Variants in TGM6 observed in about 807,000 individuals in gnomAD.
TGM6 encodes the protein protein-glutamine gamma-glutamyltransferase 6.
In TGM6, 74 loss-of-function variants were observed where a neutral mutation model predicts 77.5. The observed-to-expected ratio is 0.96, with a 90% CI of 0.79 to 1.16. TGM6 has a LOEUF of 1.16. Ranked by LOEUF, TGM6 falls within the 50% of genes most tolerant of loss-of-function variation. The pLI, the probability that TGM6 is intolerant of heterozygous loss-of-function variation, is 0.00. For missense variants in TGM6, 968 were observed against 940.2 expected (o/e 1.03, Z -0.39); for synonymous variants, 383 against 378.9 (o/e 1.01, Z -0.12).
chr20:2,403,966 C>T, intron 9 of TGM6, 143 bp downstream of exon 9: 2 of 1,385,574 alleles, frequency 1.4e-6, no homozygotes, highest in Non-Finnish European at 2.0e-6. Flanking sequence ...TCTCTGTGCT[C>T]TGAGCCAAGT....
chr20:2,402,959 C>T lies in TGM6; in HGVS notation c.990-438C>T, dbSNP rs542147285. On this transcript the variant is annotated intron_variant, in intron 7 of 12. Coordinates refer to ENST00000202625, the MANE Select transcript of TGM6 (RefSeq NM_198994.3). ...CCCTTCACTCTTCCTATAGCTTATTCTTTCTCACTGAAGTCTCACCTTCAA... is the reference window on the plus strand; with the variant it reads ...CCCTTCACTCTTCCTATAGCTTATTTTTTCTCACTGAAGTCTCACCTTCAA... Among the ~76,000 whole-genome samples the T allele has an allele frequency of 8.3e-4, 126 of 152,302 alleles. 1 individual carries two copies. The highest frequency in any genetic ancestry group is 2.7e-3 in the African/African-American group (114 of 41,560).
At chr20:2,394,727 G>C in intron 2 of TGM6, 102 bp downstream of exon 2, 1 of 1,326,324 alleles carries the variant, frequency 7.5e-7, no homozygotes, top group Non-Finnish European at 1.0e-6. Flanking sequence ...AGGCTCTGGG[G>C]GAAGCAAGTC....
Position 2,394,447 on chromosome 20 carries a change from C to A in TGM6, c.8-5C>A. On this transcript the variant is annotated splice_region_variant and splice_polypyrimidine_tract_variant and intron_variant, in intron 1 of 12. Transcript: ENST00000202625. ...GCCTCATCTCCCTGTCCTCTCCCCA[C>A]CCAGGGATCAGAGTCACCAAGGTGG... 1 of 1,611,312 alleles carries A rather than the reference C, an allele frequency of 6.2e-7. No homozygotes were observed. The highest frequency in any genetic ancestry group is 1.1e-5 in the South Asian group (1 of 90,986).
At chr20:2,411,567 T>C (rs1568664585) in intron 9 of TGM6, among the ~76,000 whole-genome samples, 1 of 152,174 alleles carries the variant, frequency 6.6e-6, no homozygotes, top group East Asian at 1.9e-4. Context: ...CGTTGAACAT[T>C]TACACCCCAA....
intron 10 of TGM6, among the ~76,000 whole-genome samples, chr20:2,418,054 C>T (rs2084830973): frequency 6.6e-6 from 1 of 151,920 alleles, no homozygotes; most frequent in Non-Finnish European, 1.5e-5. Flanking sequence ...ACTCTGTCAC[C>T]CAGGCTGGAG....
In TGM6 at chr20:2,430,892, A is replaced by G. The variant is rs776531175; in HGVS notation, c.1834-2A>G. Reference sequence around the variant, plus strand: ...ATGGCTCATGGGTGTTGTCCCCTTCAGGTTCTGGGCCCAGCCATGGTGGGA... The same window carrying G: ...ATGGCTCATGGGTGTTGTCCCCTTCGGGTTCTGGGCCCAGCCATGGTGGGA... On this transcript the variant is annotated splice_acceptor_variant, in intron 11 of 12. Transcript: ENST00000202625. LOFTEE classifies it high-confidence loss of function. 2 of 1,614,030 alleles carry G rather than the reference A, an allele frequency of 1.2e-6. No individual in the cohort carries two copies. The highest frequency in any genetic ancestry group is 2.7e-5 in the African/African-American group (2 of 74,906).
At position 2,403,437 on chromosome 20, in the gene TGM6, G is replaced by C. The variant is rs570899379; in HGVS notation, c.1030G>C (p.Asp344His). ...GAATGAGAGCTGGTTTGCCCGGCAG[G>C]ACCTAGGCCCCTCTTACAATGGCTG... is the stretch of plus-strand genomic sequence containing the variant. ...VWNESWFARQ[D>H]LGPSYNGWQV... Residue 344 changes from aspartate (D) to histidine (H), a missense_variant, in exon 8 of 13, where the codon GAC (aspartate) becomes CAC (histidine). Coordinates refer to ENST00000202625, the MANE Select transcript of TGM6 (RefSeq NM_198994.3). 1.2e-6 allele frequency: 2 copies of C among 1,614,146 alleles called. No individual in the cohort carries two copies. The highest frequency in any genetic ancestry group is 2.2e-5 in the South Asian group (2 of 91,070).
intron 10 of TGM6, among the ~76,000 whole-genome samples, chr20:2,427,873 A>G (rs1225189188): frequency 6.6e-6 from 1 of 152,216 alleles, no homozygotes; most frequent in Middle Eastern, 3.4e-3. Flanking sequence ...CTCCCTCCTC[A>G]GCCTCCCAAG....
At chr20:2,387,518 C>A (rs1185429834) in intron 1 of TGM6, among the ~76,000 whole-genome samples, 1 of 152,174 alleles carries the variant, frequency 6.6e-6, no homozygotes, top group Non-Finnish European at 1.5e-5. Context: ...CAGTCATTAT[C>A]CCCATATCAT....
rs566587710 is a variant in TGM6 at position 2,394,896 on chromosome 20, C to T, written c.181+271C>T. Among the ~76,000 whole-genome samples the T allele has an allele frequency of 1.6e-4, 25 of 152,280 alleles. No homozygotes were observed. The South Asian group carries it at 4.4e-3, about 27-fold the overall frequency. On this transcript the variant is annotated intron_variant, in intron 2 of 12. Coordinates refer to ENST00000202625, the MANE Select transcript of TGM6 (RefSeq NM_198994.3). ...AGGGCTCTGGAAGGGTATGAAAACC[C>T]GTCAAGCACTTTGAAGCCCAAGCTT...
chr20:2,395,582 A>C, intron 3 of TGM6, 146 bp downstream of exon 3: 3 of 1,474,952 alleles, frequency 2.0e-6, no homozygotes, highest in Non-Finnish European at 2.8e-6. Context: ...AGGCAGAGGT[A>C]GGCAATGGTC....
intron 7 of TGM6, among the ~76,000 whole-genome samples, chr20:2,401,747 ATAAGGG>A (rs1363028571): frequency 6.6e-6 from 1 of 152,240 alleles, no homozygotes; most frequent in African/African-American, 2.4e-5. Context: ...GAGTGGAAGC[ATAAGGG>A]TATGAACCCA....
intron 10 of TGM6, among the ~76,000 whole-genome samples, chr20:2,420,405 C>T (rs2084848370): frequency 6.6e-6 from 1 of 152,134 alleles, no homozygotes; most frequent in South Asian, 2.1e-4. Flanking sequence ...ACCACCACGC[C>T]TCTCCTCCTG....
At chr20:2,393,320 GT>G (rs572783852) in intron 1 of TGM6, among the ~76,000 whole-genome samples, 55 of 151,688 alleles carry the variant, frequency 3.6e-4, no homozygotes, top group Non-Finnish European at 6.2e-4. Flanking sequence ...TAAAACTAGG[GT>G]TTTTTTTGCA....
chr20:2,417,684 G>C lies in TGM6; in HGVS notation c.1678+111G>C. On this transcript the variant is annotated intron_variant, in intron 10 of 12. Transcript: ENST00000202625. ...TGCATTCATCCCCAGGAAGGAAGGG[G>C]ACATTCCTGAGCATTGTGCTCAGTG... is the stretch of plus-strand genomic sequence containing the variant. The C allele has an allele frequency of 2.8e-5, 35 of 1,236,634 alleles. No homozygotes were observed. In the South Asian group the frequency reaches 4.3e-4, roughly 15 times the overall value. 76.6% of individuals were successfully genotyped at this position (1,236,634 alleles called of 1,614,324 possible). A position where few individuals can be genotyped will look rare whatever the true frequency, so the allele number is the denominator to read the frequency against.
intron 10 of TGM6, among the ~76,000 whole-genome samples, chr20:2,428,971 A>AC (rs11481911): frequency 0.44 from 66,841 of 151,786 alleles, 15,671 homozygotes; most frequent in African/African-American, 0.61. Flanking sequence ...TTATAGGCAC[A>AC]ACACCACGCC....
intron 10 of TGM6, among the ~76,000 whole-genome samples, chr20:2,420,385 A>G (rs1354024862): frequency 1.3e-5 from 2 of 152,086 alleles, no homozygotes; most frequent in African/African-American, 4.8e-5. Flanking sequence ...GAGTTCCCAT[A>G]CCCCTGTCCA....
Position 2,400,451 on chromosome 20 carries a change from C to A in TGM6, c.989+7C>A. 1 of 1,614,094 alleles carries A rather than the reference C, an allele frequency of 6.2e-7. No homozygotes were observed. On this transcript the variant is annotated splice_region_variant and intron_variant, in intron 7 of 12. Coordinates refer to ENST00000202625, the MANE Select transcript of TGM6 (RefSeq NM_198994.3). ...TGACAGAAGACAGCATGTGGTGGGTCCTGCCCCCAGCCTAGGCCCGAGGGC... is the reference window on the plus strand; with the variant it reads ...TGACAGAAGACAGCATGTGGTGGGTACTGCCCCCAGCCTAGGCCCGAGGGC...
At chr20:2,429,566 C>T (rs563577653) in intron 10 of TGM6, among the ~76,000 whole-genome samples, 41 of 151,550 alleles carry the variant, frequency 2.7e-4, no homozygotes, top group Non-Finnish European at 4.9e-4. Flanking sequence ...GTCAAAAGAT[C>T]GAGACCATCC....
Sources: gnomAD v4.1 joint callset for allele counts (sites outside exome capture counted in the v4.1 genomes callset) on GRCh38, gnomAD v4.1.1 for gene constraint, MANE v1.5 for transcripts, NCBI Gene and HGNC (gene_info 2026-07-23, HGNC 2026-07-21) for gene names.